CDC42: variants seen among roughly 807,000 people sequenced by gnomAD.
CDC42 encodes cell division cycle 42, also known as cell division control protein 42 homolog.
CDC42 carries 1 observed loss-of-function variant against 20.8 expected under a neutral mutation model. The observed-to-expected ratio is 0.05, with a 90% CI of 0.02 to 0.23. CDC42 has a LOEUF of 0.23. Ranked by LOEUF, CDC42 falls within the 10% of genes least tolerant of loss-of-function variation. The pLI is 1.00. For missense variants in CDC42, 49 were observed against 227.9 expected, an observed-to-expected ratio of 0.21 and a Z score of 5.05; for synonymous variants, 72 against 84.8, an observed-to-expected ratio of 0.85 and a Z score of 0.83.
At chr1:22,084,349 T>TTG (rs1171691925) in intron 3 of CDC42, among the ~76,000 whole-genome samples, 3 of 149,342 alleles carry the variant, frequency 2.0e-5, no homozygotes, top group East Asian at 3.9e-4. Context: ...TTTTTTTTTT[T>TTG]TTTTTTTTTT....
At chr1:22,057,525 C>T (rs1022439821) in intron 1 of CDC42, among the ~76,000 whole-genome samples, 1 of 151,922 alleles carries the variant, frequency 6.6e-6, no homozygotes, top group Non-Finnish European at 1.5e-5. Flanking sequence ...GCTGGGATTG[C>T]AGGCATGCGT....
chr1:22,089,893 C>T lies in CDC42; in HGVS notation c.487-1535C>T, dbSNP rs760740343. 5 of 1,589,630 alleles carry T rather than the reference C, an allele frequency of 3.1e-6. No individual in the cohort carries two copies. The African/African-American group carries it at 6.7e-5, about 21-fold the overall frequency. The stretch of plus-strand genomic sequence containing the variant: ...ACTGCTGTTGTACCTGCTAGTCTTT[C>T]TAATCCTCTAACCTGGCTGCTATTC... On this transcript the variant is annotated intron_variant, in intron 5 of 5. Transcript: ENST00000656825.
intron 1 of CDC42, among the ~76,000 whole-genome samples, chr1:22,064,698 T>TG (rs992763127): frequency 6.6e-6 from 1 of 151,416 alleles, no homozygotes; most frequent in Admixed American, 6.6e-5. Flanking sequence ...ATTCTTTTTT[T>TG]TTTTTGAGAG....
intron 3 of CDC42, among the ~76,000 whole-genome samples, chr1:22,083,935 A>G (rs1420771107): frequency 1.3e-5 from 2 of 152,128 alleles, no homozygotes; most frequent in African/African-American, 2.4e-5. Flanking sequence ...TTTACATAGC[A>G]TAATGTTTGT....
chr1:22,086,358 T>G, intron 3 of CDC42, 81 bp from the exon 4 acceptor site: 1 of 862,438 alleles, frequency 1.2e-6, no homozygotes, highest in Non-Finnish European at 1.8e-6. Flanking sequence ...GCTTTTTGAG[T>G]AATGACCAGC....
At chr1:22,062,450 A>C (rs547450602) in intron 1 of CDC42, among the ~76,000 whole-genome samples, 1 of 152,264 alleles carries the variant, frequency 6.6e-6, no homozygotes, top group African/African-American at 2.4e-5. Context: ...TTATGCTGCA[A>C]ATGTCTGCTT....
chr1:22,081,651 C>T, intron 2 of CDC42, 71 bp from the exon 3 acceptor site: 1 of 920,508 alleles, frequency 1.1e-6, no homozygotes, highest in East Asian at 2.4e-5. Context: ...ACTGCCTTAG[C>T]TTAAGAGTTG....
chr1:22,063,773 T>C (rs960211398), intron 1 of CDC42, among the ~76,000 whole-genome samples: 1 of 152,224 alleles, frequency 6.6e-6, no homozygotes, highest in African/African-American at 2.4e-5. Flanking sequence ...CAGGCTGGAA[T>C]GCAGTGATGC....
intron 1 of CDC42, among the ~76,000 whole-genome samples, chr1:22,055,649 C>T (rs180741719): frequency 4.6e-5 from 7 of 151,996 alleles, no homozygotes; most frequent in East Asian, 3.9e-4. Context: ...CAACCAGACC[C>T]GGCTAATTTT....
chr1:22,075,807 ACT>A (rs1376024452), intron 1 of CDC42, among the ~76,000 whole-genome samples: 1 of 152,180 alleles, frequency 6.6e-6, no homozygotes, highest in Non-Finnish European at 1.5e-5. Context: ...TGGTAGAGCC[ACT>A]CTGACTCCAG....
chr1:22,071,334 G>A (rs1243161780), intron 1 of CDC42, among the ~76,000 whole-genome samples: 5 of 152,028 alleles, frequency 3.3e-5, no homozygotes, highest in Admixed American at 6.6e-5. Flanking sequence ...GTGAGCCACC[G>A]CACCCGGTCG....
At position 22,095,684 on chromosome 1, in the gene CDC42, G is replaced by T. The variant is rs1645753366; in HGVS notation, c.*4167G>T. On this transcript the variant is annotated 3_prime_UTR_variant, in exon 6 of 6. Transcript: ENST00000656825. ...AATGTTGCATTTGAACCATGCCAAC[G>T]GTAGCTTATTAAAACAGCATTTATT... Among the ~76,000 whole-genome samples, 1 of 152,076 alleles carries T rather than the reference G, an allele frequency of 6.6e-6. No homozygotes were observed. The highest frequency in any genetic ancestry group is 2.4e-5 in the African/African-American group (1 of 41,400).
chr1:22,086,800 G>A lies in CDC42; in HGVS notation c.420G>A (p.Glu140=). 1 of 1,614,072 alleles carries A rather than the reference G, an allele frequency of 6.2e-7. No homozygotes were observed. Among genetic ancestry groups the A allele is most frequent in the Non-Finnish European group, 8.5e-7 (1 of 1,179,976 alleles). The change falls in exon 5 of 6, where the codon GAG becomes GAA. Residue 140 remains glutamate (E), a synonymous_variant. Coordinates refer to ENST00000656825, the MANE Select transcript of CDC42 (RefSeq NM_001791.4). ...ACAAACAGAAGCCTATCACTCCAGA[G>A]ACTGCTGAAAAGCTGGCCCGTGACC... ...AKNKQKPITP[E]TAEKLARDLK...
chr1:22,073,888 C>T (rs577315561), intron 1 of CDC42, among the ~76,000 whole-genome samples: 1 of 151,842 alleles, frequency 6.6e-6, no homozygotes, highest in East Asian at 2.0e-4. Context: ...TGGGTTCAAG[C>T]AATCTCCCCA....
At chr1:22,069,780 TTTTG>T (rs142132504) in intron 1 of CDC42, among the ~76,000 whole-genome samples, 2,195 of 149,190 alleles carry the variant, frequency 0.015, 53 homozygotes, top group African/African-American at 0.05. Flanking sequence ...GTAGAGGTTT[TTTTG>T]TTTGTTTGTT....
intron 1 of CDC42, among the ~76,000 whole-genome samples, chr1:22,073,941 A>G (rs1294074641): frequency 3.3e-5 from 5 of 152,048 alleles, no homozygotes; most frequent in Admixed American, 2.0e-4. Flanking sequence ...GTGAGCCACC[A>G]TGCCTGACCC....
chr1:22,086,562 A>G lies in CDC42; in HGVS notation c.288+14A>G. ...GTGAAAGAAAAGGTAAGCTGATCAGATACTCTTGCCCTAAGAAGATCATCT... is the reference window on the plus strand; with the variant it reads ...GTGAAAGAAAAGGTAAGCTGATCAGGTACTCTTGCCCTAAGAAGATCATCT... On this transcript the variant is annotated intron_variant, in intron 4 of 5. Coordinates refer to ENST00000656825, the MANE Select transcript of CDC42 (RefSeq NM_001791.4). The G allele has an allele frequency of 6.3e-7, 1 of 1,595,864 alleles. No individual in the cohort carries two copies. Among genetic ancestry groups the G allele is most frequent in the Non-Finnish European group, 8.6e-7 (1 of 1,164,116 alleles).
At chr1:22,078,908 A>AAT (rs1645579228) in intron 2 of CDC42, 1 of 1,096,932 alleles carries the variant, frequency 9.1e-7, no homozygotes, top group Non-Finnish European at 1.2e-6. Context: ...TTTTTTTGAT[A>AAT]TTTTGGCCAA....
intron 1 of CDC42, among the ~76,000 whole-genome samples, chr1:22,063,585 G>A (rs11583790): frequency 0.12 from 18,406 of 152,168 alleles, 1,265 homozygotes; most frequent in Admixed American, 0.18. Flanking sequence ...AGGTGCTTGG[G>A]ATCTTGTTCT....
Sources: allele counts gnomAD v4.1 joint callset (sites outside exome capture counted in the v4.1 genomes callset), GRCh38; gene constraint gnomAD v4.1.1; transcripts MANE v1.5; gene names NCBI Gene and HGNC (gene_info 2026-07-23, HGNC 2026-07-21).